CYP7B1: variants seen among roughly 807,000 people sequenced by gnomAD.
The protein encoded by CYP7B1 is cytochrome P450 family 7 subfamily B member 1.
A neutral mutation model predicts 42.7 loss-of-function variants in CYP7B1; 29 were observed. The observed-to-expected ratio is 0.68, with a 90% CI of 0.51 to 0.93. The LOEUF (loss-of-function observed/expected upper bound fraction) is 0.93. Ranked by LOEUF, CYP7B1 falls within the 40% of genes least tolerant of loss-of-function variation. The pLI is 0.00. For synonymous variants in CYP7B1, 235 were observed against 218.2 expected (o/e 1.08, Z -0.68); for missense variants, 655 against 600.5 (o/e 1.09, Z -0.95).
chr8:64,726,082 G>C (rs1299424066), intron 1 of CYP7B1, among the ~76,000 whole-genome samples: 2 of 152,152 alleles, frequency 1.3e-5, no homozygotes, highest in African/African-American at 4.8e-5. Context: ...TTTAATTAAG[G>C]TGTTGTCTTC....
At chr8:64,730,284 G>A (rs746163501) in intron 1 of CYP7B1, among the ~76,000 whole-genome samples, 1 of 151,750 alleles carries the variant, frequency 6.6e-6, no homozygotes, top group East Asian at 1.9e-4. Flanking sequence ...TGGCCAGGTT[G>A]GTCTCAAACT....
intron 1 of CYP7B1, among the ~76,000 whole-genome samples, chr8:64,743,194 G>T (rs1355802287): frequency 1.3e-5 from 2 of 151,914 alleles, no homozygotes; most frequent in Admixed American, 6.6e-5. Flanking sequence ...CTATCTCTGG[G>T]GTTTCCCAGA....
intron 1 of CYP7B1, among the ~76,000 whole-genome samples, chr8:64,719,071 T>C (rs1807199929): frequency 1.3e-5 from 2 of 152,164 alleles, no homozygotes; most frequent in Admixed American, 6.5e-5. Flanking sequence ...GATACACAAC[T>C]GACCATATCC....
chr8:64,703,244 A>G (rs1164705127), intron 1 of CYP7B1, among the ~76,000 whole-genome samples: 1 of 151,974 alleles, frequency 6.6e-6, no homozygotes, highest in Non-Finnish European at 1.5e-5. Flanking sequence ...TTTTAAACAA[A>G]ATAAAAGACA....
At chr8:64,709,926 A>AT (rs1807056435) in intron 1 of CYP7B1, among the ~76,000 whole-genome samples, 1 of 152,050 alleles carries the variant, frequency 6.6e-6, no homozygotes, top group African/African-American at 2.4e-5. Flanking sequence ...TTTGAGAGCA[A>AT]TTTTTTGTAG....
Position 64,615,820 on chromosome 8 carries a change from T to A in CYP7B1, c.721A>T (p.Ile241Phe). The A allele has an allele frequency of 6.2e-7, 1 of 1,613,810 alleles. No individual in the cohort carries two copies. The highest frequency in any genetic ancestry group is 8.5e-7 in the Non-Finnish European group (1 of 1,179,768). The change falls in exon 3 of 6, where the codon ATT becomes TTT. Residue 241 changes from isoleucine (I) to phenylalanine (F), a missense_variant. By Grantham distance (21) the Ile-to-Phe change is conservative (BLOSUM62 0). Transcript: ENST00000310193. ...AAGCATTTTATAATTTTCTCTCTAA[T>A]AGACTTGACATTTCCTAGAAGCTCA... is the stretch of plus-strand genomic sequence containing the variant. ...PIELLGNVKSIREKIIKCFSS... is the reference protein window; with the variant it reads ...PIELLGNVKSFREKIIKCFSS...
chr8:64,787,778 A>C (rs1385811919), intron 1 of CYP7B1, among the ~76,000 whole-genome samples: 3 of 152,172 alleles, frequency 2.0e-5, no homozygotes, highest in African/African-American at 7.2e-5. Flanking sequence ...CTATTAAGAC[A>C]TACCCAAGAC....
chr8:64,678,721 G>T (rs564222872), intron 1 of CYP7B1, among the ~76,000 whole-genome samples: 9 of 152,280 alleles, frequency 5.9e-5, no homozygotes, highest in Admixed American at 2.0e-4. Context: ...CTGCTTTGAG[G>T]TAGAGAATAT....
At chr8:64,751,437 G>A (rs1213481763) in intron 1 of CYP7B1, among the ~76,000 whole-genome samples, 1 of 151,900 alleles carries the variant, frequency 6.6e-6, no homozygotes, top group Non-Finnish European at 1.5e-5. Context: ...TTCCATTTTA[G>A]GGATATAACA....
intron 1 of CYP7B1, among the ~76,000 whole-genome samples, chr8:64,629,660 A>C (rs1437157693): frequency 6.6e-6 from 1 of 151,968 alleles, no homozygotes; most frequent in Non-Finnish European, 1.5e-5. Context: ...CCGTTCTTTG[A>C]CTTACTTTGG....
intron 1 of CYP7B1, among the ~76,000 whole-genome samples, chr8:64,661,092 A>C (rs1806193484): frequency 6.6e-6 from 1 of 152,228 alleles, no homozygotes; most frequent in African/African-American, 2.4e-5. Context: ...TCTTCAATTT[A>C]AAAGAGAGCA....
intron 1 of CYP7B1, among the ~76,000 whole-genome samples, chr8:64,774,701 T>G (rs1450133047): frequency 6.6e-6 from 1 of 152,164 alleles, no homozygotes; most frequent in East Asian, 1.9e-4. Flanking sequence ...CGGAGCTTAT[T>G]ATCATTTCTA....
chr8:64,622,131 AATAATAATGCATAAAATGCATTATTTGC>A (rs1563366569), intron 2 of CYP7B1, among the ~76,000 whole-genome samples: 1 of 151,484 alleles, frequency 6.6e-6, no homozygotes, highest in Non-Finnish European at 1.5e-5. Flanking sequence ...ACATTATTTG[AATAATAATGCATAAAATGCATTATTTGC>A]ATAATACTGC....
intron 1 of CYP7B1, among the ~76,000 whole-genome samples, chr8:64,714,730 G>A (rs1415071804): frequency 6.6e-6 from 1 of 152,114 alleles, no homozygotes; most frequent in East Asian, 1.9e-4. Flanking sequence ...GAAAACTGAT[G>A]TCCCCATCAT....
downstream of CYP7B1, among the ~76,000 whole-genome samples, chr8:64,587,599 ACT>A (rs955601550): frequency 1.3e-5 from 2 of 152,062 alleles, no homozygotes; most frequent in African/African-American, 2.4e-5. Context: ...CAGCAGGGAA[ACT>A]CTGCTCGCTT....
chr8:64,627,168 C>T (rs987931380), intron 1 of CYP7B1, among the ~76,000 whole-genome samples: 3 of 152,188 alleles, frequency 2.0e-5, no homozygotes, highest in Admixed American at 2.0e-4. Flanking sequence ...ACAAGAAACA[C>T]TGCATAGAGA....
In CYP7B1 at chr8:64,593,708, G is replaced by A. The variant is rs1304744079; in HGVS notation, c.*2934C>T. ...GGGCTCAGTAAACAAGCCATTCCTG[G>A]TAACAGTGACAGCAAAACACATAAA... is the stretch of plus-strand genomic sequence containing the variant. On this transcript the variant is annotated 3_prime_UTR_variant, in exon 6 of 6. Coordinates refer to ENST00000310193, the MANE Select transcript of CYP7B1 (RefSeq NM_004820.5). Among the ~76,000 whole-genome samples the A allele has an allele frequency of 3.9e-5, 6 of 152,096 alleles. No homozygotes were observed. Among genetic ancestry groups the A allele is most frequent in the African/African-American group, 1.4e-4 (6 of 41,410 alleles).
intron 1 of CYP7B1, among the ~76,000 whole-genome samples, chr8:64,666,237 G>A (rs1302920135): frequency 1.3e-5 from 2 of 152,104 alleles, no homozygotes; most frequent in African/African-American, 4.8e-5. Context: ...ATGTTTTAGA[G>A]ACAGAGTCAG....
chr8:64,634,380 G>C (rs1805739643), intron 1 of CYP7B1, among the ~76,000 whole-genome samples: 1 of 151,776 alleles, frequency 6.6e-6, no homozygotes, highest in South Asian at 2.1e-4. Flanking sequence ...AGCCAGCCTG[G>C]CCAACATGGT....
Sources: allele counts gnomAD v4.1 joint callset (sites outside exome capture counted in the v4.1 genomes callset), GRCh38; gene constraint gnomAD v4.1.1; transcripts MANE v1.5; gene names NCBI Gene and HGNC (gene_info 2026-07-23, HGNC 2026-07-21).